JPH3: variants seen among roughly 807,000 people sequenced by gnomAD.
JPH3 encodes junctophilin-3.
A neutral mutation model predicts 59.6 loss-of-function variants in JPH3; 11 were observed. The ratio of observed to expected loss-of-function variants is 0.18; its 90% CI spans 0.12 to 0.31. The LOEUF (loss-of-function observed/expected upper bound fraction) is 0.31, where lower values mean the gene tolerates loss of function less well. Among genes scored for constraint, JPH3 ranks in the 10% least tolerant of loss-of-function variants. The probability of loss-of-function intolerance (pLI) is 1.00; values close to 1 mark genes in which losing one functional copy is unlikely to be tolerated. For synonymous variants in JPH3, 673 were observed against 483.6 expected (o/e 1.39, Z -5.14); for missense variants, 1,202 against 1,105.7 (o/e 1.09, Z -1.24).
chr16:87,610,682 C>G (rs1051097917), intron 1 of JPH3, among the ~76,000 whole-genome samples: 2 of 152,094 alleles, frequency 1.3e-5, no homozygotes, highest in African/African-American at 4.8e-5. Flanking sequence ...TAAAACATGC[C>G]TGTTCTAATT....
rs2032090219 is a variant in JPH3, at chr16:87,644,897, A to G, written c.1022A>G (p.Asn341Ser). The G allele has an allele frequency of 3.1e-6, 5 of 1,613,156 alleles. No individual in the cohort carries two copies. The highest frequency in any genetic ancestry group is 4.2e-6 in the Non-Finnish European group (5 of 1,179,932). Residue 341 changes from asparagine (N) to serine (S), a missense_variant, in exon 2 of 5, where the codon AAC becomes AGC. Transcript: ENST00000284262. ...AAGGAGGAGGGCAAGTACAAGCAGA[A>G]CATCCTCGTCGGCGGCAAGCGCAAG... ...GTKEEGKYKQ[N>S]ILVGGKRKNL...
At chr16:87,687,551 C>T (rs544481519) in intron 3 of JPH3, among the ~76,000 whole-genome samples, 41 of 152,342 alleles carry the variant, frequency 2.7e-4, no homozygotes, top group African/African-American at 8.2e-4. Flanking sequence ...AGGCCACTTC[C>T]GGTGCCATCC....
chr16:87,606,186 A>T (rs1476823194), intron 1 of JPH3, among the ~76,000 whole-genome samples: 1 of 152,224 alleles, frequency 6.6e-6, no homozygotes, highest in Non-Finnish European at 1.5e-5. Context: ...TGTCGCAGTG[A>T]GGAAGGAGTT....
intron 2 of JPH3, among the ~76,000 whole-genome samples, chr16:87,659,411 C>T (rs1164810761): frequency 8.1e-6 from 1 of 123,266 alleles, no homozygotes; most frequent in South Asian, 2.5e-4. Flanking sequence ...AAACTACACA[C>T]ACATACACAC....
At chr16:87,621,032 G>A (rs191330560) in intron 1 of JPH3, among the ~76,000 whole-genome samples, 22 of 152,304 alleles carry the variant, frequency 1.4e-4, no homozygotes, top group Admixed American at 1.0e-3. Flanking sequence ...GGTGGCGGGC[G>A]CCTGTAGTCC....
intron 2 of JPH3, among the ~76,000 whole-genome samples, chr16:87,677,170 C>G (rs1027220196): frequency 7.4e-6 from 1 of 134,660 alleles, no homozygotes; most frequent in African/African-American, 2.9e-5. Flanking sequence ...CACACACACA[C>G]GCACTATATA....
intron 3 of JPH3, among the ~76,000 whole-genome samples, chr16:87,687,502 G>C (rs2033446563): frequency 6.6e-6 from 1 of 152,208 alleles, no homozygotes; most frequent in African/African-American, 2.4e-5. Context: ...CGTGAAGGCA[G>C]GACCATGAAG....
rs572726004 is a variant in JPH3 at position 87,648,834 on chromosome 16, C to T, written c.1160+3799C>T. Among the ~76,000 whole-genome samples, 193 of 152,300 alleles carry T rather than the reference C, an allele frequency of 1.3e-3. 2 individuals carry two copies. Among genetic ancestry groups the T allele is most frequent in the African/African-American group, 4.5e-3 (189 of 41,572 alleles). ...AGGGCTTGTAGAAATGGTGGTCAGG[C>T]CCCACGCCCCAGACTTTGTCTCATC... On this transcript the variant is annotated intron_variant, in intron 2 of 4. Coordinates refer to ENST00000284262, the MANE Select transcript of JPH3 (RefSeq NM_020655.4).
At chr16:87,634,083 A>G (rs989665734) in intron 1 of JPH3, among the ~76,000 whole-genome samples, 1 of 152,208 alleles carries the variant, frequency 6.6e-6, no homozygotes, top group Middle Eastern at 3.2e-3. Context: ...AGCCGGGGAC[A>G]AAGTGGGTGC....
intron 1 of JPH3, chr16:87,604,160 G>A: frequency 4.4e-6 from 6 of 1,374,502 alleles, no homozygotes; most frequent in Non-Finnish European, 9.5e-7. Context: ...TGCTCAGTGA[G>A]AGCCCAGGAA....
At chr16:87,642,020 T>C (rs1459133272) in intron 1 of JPH3, among the ~76,000 whole-genome samples, 3 of 151,870 alleles carry the variant, frequency 2.0e-5, no homozygotes, top group Admixed American at 1.3e-4. Context: ...TGGGATTCGA[T>C]TGGAGGGTGG....
intron 2 of JPH3, among the ~76,000 whole-genome samples, chr16:87,663,778 C>T (rs2032776718): frequency 6.6e-6 from 1 of 152,188 alleles, no homozygotes; most frequent in Admixed American, 6.5e-5. Flanking sequence ...TTTTCAAGCC[C>T]AAGTGCCGTG....
Position 87,603,296 on chromosome 16 carries a change from G to T in JPH3, c.150G>T (p.Leu50=). Residue 50 remains leucine, a synonymous_variant, in exon 1 of 5, where the codon CTG becomes CTT. Transcript: ENST00000284262. ...CGTGGAGCCACGGCTTCGAGGTGCT[G>T]GGCGTCTACACCTGGCCCAGCGGCA... ...TGSWSHGFEV[L]GVYTWPSGNT... 2 of 1,613,478 alleles carry T rather than the reference G, an allele frequency of 1.2e-6. No homozygotes were observed. Among genetic ancestry groups the T allele is most frequent in the Non-Finnish European group, 1.7e-6 (2 of 1,179,902 alleles).
intron 2 of JPH3, among the ~76,000 whole-genome samples, chr16:87,683,440 G>C (rs1479741179): frequency 6.6e-6 from 1 of 152,010 alleles, no homozygotes; most frequent in Non-Finnish European, 1.5e-5. Flanking sequence ...GAGTAGCTGG[G>C]ATTACAGGCA....
intron 1 of JPH3, among the ~76,000 whole-genome samples, chr16:87,633,822 G>C (rs1386254089): frequency 2.6e-5 from 4 of 151,910 alleles, no homozygotes; most frequent in Non-Finnish European, 5.9e-5. Flanking sequence ...ATCTGGTGTT[G>C]GTAGTAACGA....
In JPH3 at chr16:87,602,738, G is replaced by A. The variant is rs1457711327; in HGVS notation, c.-409G>A. 7.9e-6 allele frequency: 1 copy of A among 125,900 alleles called. No homozygotes were observed. Among genetic ancestry groups the A allele is most frequent in the African/African-American group, 2.9e-5 (1 of 34,190 alleles). 7.8% of individuals were successfully genotyped at this position (125,900 alleles called of 1,614,324 possible). Reference sequence around the variant, plus strand: ...AGCCGCAGGTGGGGGGCCGCGGCCCGGGCCTGAGCTGCCCCCCGCCCGGCC... The same window carrying A: ...AGCCGCAGGTGGGGGGCCGCGGCCCAGGCCTGAGCTGCCCCCCGCCCGGCC... On this transcript the variant is annotated 5_prime_UTR_variant, in exon 1 of 5. Transcript: ENST00000284262.
At chr16:87,623,437 G>C (rs2031261780) in intron 1 of JPH3, among the ~76,000 whole-genome samples, 1 of 152,234 alleles carries the variant, frequency 6.6e-6, no homozygotes, top group Non-Finnish European at 1.5e-5. Flanking sequence ...TGCTCCCGCT[G>C]TGTGGGGGAC....
At chr16:87,616,190 T>TTTTGTGTGTGTG (rs3221600) in intron 1 of JPH3, among the ~76,000 whole-genome samples, 1 of 116,048 alleles carries the variant, frequency 8.6e-6, no homozygotes, top group African/African-American at 3.5e-5. Context: ...CAATCTGGTT[T>TTTTGTGTGTGTG]TGTGTGTGTG....
intron 2 of JPH3, among the ~76,000 whole-genome samples, chr16:87,649,409 G>A (rs537536087): frequency 1.3e-5 from 2 of 152,312 alleles, no homozygotes; most frequent in South Asian, 2.1e-4. Flanking sequence ...TGAATGCCTC[G>A]CTGTCCCCGG....
Sources: gnomAD v4.1 joint callset for allele counts (sites outside exome capture counted in the v4.1 genomes callset) on GRCh38, gnomAD v4.1.1 for gene constraint, MANE v1.5 for transcripts, NCBI Gene and HGNC (gene_info 2026-07-23, HGNC 2026-07-21) for gene names.